The following TIAM2 variants were observed in gnomAD, a reference collection of about 807,000 sequenced individuals.
TIAM2 encodes TIAM Rac1 associated GEF 2.
TIAM2 carries 80 observed loss-of-function variants against 152.9 expected under a neutral mutation model. That is an observed-to-expected ratio of 0.52 (90% confidence interval 0.44 to 0.63). The LOEUF (loss-of-function observed/expected upper bound fraction) is 0.63. Ranked by LOEUF, TIAM2 falls within the 30% of genes least tolerant of loss-of-function variation. The pLI, the probability that TIAM2 is intolerant of heterozygous loss-of-function variation, is 0.00. For synonymous variants in TIAM2, 804 were observed against 838.0 expected (o/e 0.96, Z 0.70); for missense variants, 1,965 against 2,120.1 (o/e 0.93, Z 1.44).
chr6:155,172,122 TAATA>T (rs1780598807), intron 9 of TIAM2, among the ~76,000 whole-genome samples: 1 of 152,142 alleles, frequency 6.6e-6, no homozygotes, highest in South Asian at 2.1e-4. Flanking sequence ...ATAATAATAA[TAATA>T]AATACTTCTG....
rs761873958 is a variant in TIAM2, at chr6:155,129,892, G to T, written c.669G>T (p.Leu223=). Residue 223 remains leucine, a synonymous_variant, in exon 4 of 27, where the codon CTG becomes CTT. Transcript: ENST00000682666. This position sits in a 1 kb window ranked among gnomAD's most constrained non-coding sequence, Gnocchi z 4.8. ...GGAGGGGGTCCAGCGCCGATTCCCT[G>T]CCCAGCCATCGCCCCTCTCCCACGG... ...EARRGSSADS[L]PSHRPSPTDS... is the part of the protein sequence containing the mutation. 2 of 1,613,788 alleles carry T rather than the reference G, an allele frequency of 1.2e-6. No homozygotes were observed. The highest frequency in any genetic ancestry group is 1.7e-6 in the Non-Finnish European group (2 of 1,180,018).
intron 14 of TIAM2, among the ~76,000 whole-genome samples, chr6:155,194,744 A>C (rs1467868339): frequency 6.6e-6 from 1 of 152,210 alleles, no homozygotes; most frequent in Non-Finnish European, 1.5e-5. Flanking sequence ...CTTCCGCTTT[A>C]AACATTTCAA....
At chr6:155,036,581 A>ATTAG (rs540516650) in intron 1 of TIAM2, among the ~76,000 whole-genome samples, 1 of 143,810 alleles carries the variant, frequency 7.0e-6, no homozygotes, top group Non-Finnish European at 1.5e-5. Context: ...GTTTGGAGAA[A>ATTAG]TTATTTATTT....
At chr6:155,195,684 T>C (rs1781325834) in intron 14 of TIAM2, among the ~76,000 whole-genome samples, 1 of 151,740 alleles carries the variant, frequency 6.6e-6, no homozygotes, top group African/African-American at 2.4e-5. Context: ...GGATGGGGAG[T>C]AGGGGCCAGG....
rs1308130574 is a variant in TIAM2, at chr6:155,213,078, TCTC to T, written c.3168+1778_3168+1780del. 2.6e-5 allele frequency among the ~76,000 whole-genome samples: 4 copies of T among 152,154 alleles called. No homozygotes were observed. The highest frequency in any genetic ancestry group is 5.9e-5 in the Non-Finnish European group (4 of 68,026). ...GCTCCCTGAAGGGCTGCAGCTCTTC[TCTC>T]CTCCTCTTTTCTCTCCTTGTCACCT... On this transcript the variant is annotated intron_variant, in intron 15 of 26. Transcript: ENST00000682666. This position sits in a 1 kb window ranked among gnomAD's most constrained non-coding sequence, Gnocchi z 4.2.
In TIAM2 at chr6:155,257,392, C is replaced by CTAATAATTAAGT. The variant is rs768169555; in HGVS notation, c.*274_*285dup. 2.7e-5 allele frequency: 11 copies of CTAATAATTAAGT among 407,478 alleles called. No individual in the cohort carries two copies. The highest frequency in any genetic ancestry group is 4.3e-5 in the Admixed American group (1 of 23,152). 25.2% of individuals were successfully genotyped at this position (407,478 alleles called of 1,614,324 possible). A position where few individuals can be genotyped will look rare whatever the true frequency, so the allele number is the denominator to read the frequency against. ...GATTTAGGATCCTTAAAATTACATT[C>CTAATAATTAAGT]TAATAATTAAGTTATGTGGAAAAAG... On this transcript the variant is annotated 3_prime_UTR_variant, in exon 27 of 27. Transcript: ENST00000682666.
At chr6:155,058,651 C>A (rs6905438) in intron 1 of TIAM2, among the ~76,000 whole-genome samples, 49,027 of 151,970 alleles carry the variant, frequency 0.32, 8,148 homozygotes, top group Non-Finnish European at 0.37. Flanking sequence ...CACCAGTGAG[C>A]AAAACTGAGG....
intron 1 of TIAM2, among the ~76,000 whole-genome samples, chr6:155,018,480 A>G (rs1778638138): frequency 6.6e-6 from 1 of 151,224 alleles, no homozygotes; most frequent in South Asian, 2.1e-4. Context: ...TTAGCCAGGC[A>G]TGGTGGCGAG....
At chr6:155,071,031 G>T (rs753628553) in intron 1 of TIAM2, among the ~76,000 whole-genome samples, 5 of 152,166 alleles carry the variant, frequency 3.3e-5, no homozygotes, top group Non-Finnish European at 7.3e-5. Context: ...AAATTCGTGG[G>T]ACATGGTTGT....
intron 2 of TIAM2, among the ~76,000 whole-genome samples, chr6:155,117,609 A>C (rs767575962): frequency 6.6e-6 from 1 of 152,022 alleles, no homozygotes; most frequent in Non-Finnish European, 1.5e-5. Context: ...CGCCTGACTA[A>C]TTTTTGTATT....
At chr6:155,215,922 C>T (rs867443243) in intron 15 of TIAM2, among the ~76,000 whole-genome samples, 2 of 152,034 alleles carry the variant, frequency 1.3e-5, no homozygotes, top group South Asian at 2.1e-4. Flanking sequence ...ATCCTCCCAC[C>T]TCAGCCTCCT....
At chr6:155,134,122 C>T (rs1564918) in intron 4 of TIAM2, among the ~76,000 whole-genome samples, 112,802 of 151,998 alleles carry the variant, frequency 0.74, 42,065 homozygotes, top group African/African-American at 0.82. Context: ...AGTGAAGTCA[C>T]TTGTATGGAA....
At chr6:155,194,908 A>G (rs775482285) in intron 14 of TIAM2, among the ~76,000 whole-genome samples, 10 of 152,108 alleles carry the variant, frequency 6.6e-5, no homozygotes, top group Non-Finnish European at 1.5e-4. Flanking sequence ...ATTAGATCTG[A>G]TCATTTTATA....
At chr6:155,122,721 G>A (rs1037214024) in intron 2 of TIAM2, among the ~76,000 whole-genome samples, 5 of 151,990 alleles carry the variant, frequency 3.3e-5, no homozygotes, top group African/African-American at 1.2e-4. Flanking sequence ...ACCAGCCCTG[G>A]GCCTCGCCAC....
At chr6:155,070,876 A>G (rs1204136770) in intron 1 of TIAM2, among the ~76,000 whole-genome samples, 1 of 152,186 alleles carries the variant, frequency 6.6e-6, no homozygotes, top group Non-Finnish European at 1.5e-5. Context: ...ATGTACTGTA[A>G]GAAATATTTT....
intron 2 of TIAM2, among the ~76,000 whole-genome samples, chr6:155,112,520 C>A (rs1778880062): frequency 6.6e-6 from 1 of 151,988 alleles, no homozygotes; most frequent in Non-Finnish European, 1.5e-5. Flanking sequence ...GTCAAGGTGC[C>A]CCAGGGCCTC....
At chr6:155,040,452 G>A (rs1427071611) in intron 1 of TIAM2, among the ~76,000 whole-genome samples, 2 of 152,138 alleles carry the variant, frequency 1.3e-5, no homozygotes, top group Non-Finnish European at 2.9e-5. Flanking sequence ...AGCTGAGTAG[G>A]CAAGAGTGGA....
chr6:155,243,963 A>G (rs1783185417), intron 16 of TIAM2, 48 bp from the exon 17 acceptor site: 1 of 1,503,864 alleles, frequency 6.6e-7, no homozygotes, highest in Non-Finnish European at 9.1e-7. Context: ...TCTCATGGGT[A>G]TTTTGGAGAC....
intron 9 of TIAM2, among the ~76,000 whole-genome samples, chr6:155,169,076 A>G (rs1165729480): frequency 1.3e-5 from 2 of 152,120 alleles, no homozygotes; most frequent in African/African-American, 4.8e-5. Context: ...GCTCACTGCA[A>G]GCTTCGCCTC....
Sources: allele counts gnomAD v4.1 joint callset (sites outside exome capture counted in the v4.1 genomes callset), GRCh38; gene constraint gnomAD v4.1.1; non-coding constraint Gnocchi (gnomAD v3.1); transcripts MANE v1.5; gene names NCBI Gene and HGNC (gene_info 2026-07-23, HGNC 2026-07-21).